DMD: variants seen among roughly 807,000 people sequenced by gnomAD.
The protein encoded by DMD is mutant dystrophin.
In DMD, 63 loss-of-function variants were observed where a neutral mutation model predicts 330.1. The ratio of observed to expected loss-of-function variants is 0.19; its 90% CI spans 0.16 to 0.24. The LOEUF is 0.24. Ranked by LOEUF, DMD falls within the 10% of genes least tolerant of loss-of-function variation. The probability of loss-of-function intolerance (pLI) is 1.00; values close to 1 mark genes in which losing one functional copy is unlikely to be tolerated. For missense variants in DMD, 3,344 were observed against 2,684.1 expected, an observed-to-expected ratio of 1.25 and a Z score of -5.43; for synonymous variants, 1,223 against 959.8, an observed-to-expected ratio of 1.27 and a Z score of -5.07.
At chrX:31,873,481 A>C (rs1385571675) in intron 48 of DMD, among the ~76,000 whole-genome samples, 1 of 111,981 alleles carries the variant, frequency 8.9e-6, no homozygotes, top group Non-Finnish European at 1.9e-5. Context: ...CCAGCAAAAC[A>C]ACAGCTAAAT....
At chrX:32,623,676 C>A (rs780473119) in intron 11 of DMD, among the ~76,000 whole-genome samples, 5 of 109,634 alleles carry the variant, frequency 4.6e-5, no homozygotes, top group African/African-American at 6.7e-5. Flanking sequence ...TACAGGTGCA[C>A]CACCTTCCCT....
At chrX:32,727,393 C>G (rs970085606) in intron 7 of DMD, among the ~76,000 whole-genome samples, 2 of 110,938 alleles carry the variant, frequency 1.8e-5, no homozygotes, top group African/African-American at 3.3e-5. Context: ...GAGTTTATAA[C>G]AGAGCAGAAC....
At chrX:32,179,205 T>G (rs1569549052) in intron 44 of DMD, among the ~76,000 whole-genome samples, 1 of 110,976 alleles carries the variant, frequency 9.0e-6, no homozygotes, top group African/African-American at 3.3e-5. Context: ...TTTTATAATA[T>G]TGGATGTGGT....
Position 33,135,550 on chromosome X carries a change from C to T in DMD, c.31+75732G>A, listed in dbSNP as rs776381654. ...CACATTCTTATGGAATATTTAACTACGTTGGAAAACCATATGATATATTAA... is the reference window on the plus strand; with the variant it reads ...CACATTCTTATGGAATATTTAACTATGTTGGAAAACCATATGATATATTAA... On this transcript the variant is annotated intron_variant, in intron 1 of 78. Transcript: ENST00000357033. 5.4e-5 allele frequency among the ~76,000 whole-genome samples: 6 copies of T among 112,107 alleles called. No homozygotes were observed. The South Asian group carries it at 1.8e-3, about 34-fold the overall frequency.
chrX:32,365,789 T>G (rs73462091), intron 34 of DMD, among the ~76,000 whole-genome samples: 3,173 of 112,070 alleles, frequency 0.028, 119 homozygotes, highest in African/African-American at 0.097. Flanking sequence ...ATATGTTAAT[T>G]AACAAGATCT....
chrX:32,566,294 G>A (rs1603636546), intron 15 of DMD, among the ~76,000 whole-genome samples: 1 of 112,110 alleles, frequency 8.9e-6, no homozygotes, highest in Non-Finnish European at 1.9e-5. Context: ...GGTACCAGGA[G>A]TACTGAAGAA....
intron 2 of DMD, among the ~76,000 whole-genome samples, chrX:32,939,631 G>A (rs2090263757): frequency 9.0e-6 from 1 of 111,589 alleles, no homozygotes; most frequent in Non-Finnish European, 1.9e-5. Flanking sequence ...TACAAATTGT[G>A]TAATTTCTAT....
intron 76 of DMD, among the ~76,000 whole-genome samples, chrX:31,141,689 A>T (rs1218684326): frequency 9.0e-6 from 1 of 111,367 alleles, no homozygotes; most frequent in Non-Finnish European, 1.9e-5. Flanking sequence ...ATAGATTGGG[A>T]AATTGGAAGA....
chrX:32,912,510 C>T (rs1165749617), intron 2 of DMD, among the ~76,000 whole-genome samples: 2 of 111,309 alleles, frequency 1.8e-5, no homozygotes, highest in Non-Finnish European at 3.8e-5. Flanking sequence ...AGAATTAAAA[C>T]TGGAAACGAC....
At chrX:31,615,849 T>C (rs2078168418) in intron 55 of DMD, among the ~76,000 whole-genome samples, 2 of 112,202 alleles carry the variant, frequency 1.8e-5, no homozygotes, top group Admixed American at 1.9e-4. Flanking sequence ...AGTCTATTTA[T>C]ACATATTGAC....
chrX:33,086,558 G>T (rs1328982450), intron 1 of DMD, among the ~76,000 whole-genome samples: 2 of 109,754 alleles, frequency 1.8e-5, no homozygotes, highest in Non-Finnish European at 3.8e-5. Flanking sequence ...TGTGGTAAAA[G>T]GTTTGGTATT....
intron 55 of DMD, among the ~76,000 whole-genome samples, chrX:31,538,407 G>A (rs995028821): frequency 8.9e-6 from 1 of 112,166 alleles, no homozygotes; most frequent in Admixed American, 9.5e-5. Context: ...CTAAACTACA[G>A]ATCAAAGAAG....
intron 9 of DMD, 56 bp downstream of exon 9, chrX:32,697,814 G>C (rs2063766246): frequency 8.3e-7 from 1 of 1,197,622 alleles, no homozygotes; most frequent in Non-Finnish European, 1.1e-6. Context: ...AGCAGTGTTA[G>C]ATTATCTTGG....
intron 47 of DMD, among the ~76,000 whole-genome samples, chrX:31,926,697 A>T (rs1380878924): frequency 9.0e-6 from 1 of 110,892 alleles, no homozygotes; most frequent in African/African-American, 3.3e-5. Flanking sequence ...AAAAAAAAAA[A>T]TAAAATAAAG....
At chrX:32,944,495 A>G (rs2090648003) in intron 2 of DMD, among the ~76,000 whole-genome samples, 2 of 111,894 alleles carry the variant, frequency 1.8e-5, no homozygotes, top group East Asian at 2.8e-4. Context: ...CATTTCTTTC[A>G]TAGTCCATCT....
chrX:31,819,498 C>A (rs1348881833), intron 50 of DMD, among the ~76,000 whole-genome samples: 1 of 112,592 alleles, frequency 8.9e-6, no homozygotes, highest in African/African-American at 3.2e-5. Context: ...GTGTTCCTTA[C>A]TAAGAATTGC....
chrX:33,067,315 T>C (rs772606277), intron 1 of DMD, among the ~76,000 whole-genome samples: 5 of 112,201 alleles, frequency 4.5e-5, no homozygotes, highest in African/African-American at 1.6e-4. Flanking sequence ...CGAATGATTA[T>C]AAAAGCCTTA....
chrX:31,272,020 A>G (rs2051673653), intron 62 of DMD, among the ~76,000 whole-genome samples: 1 of 111,057 alleles, frequency 9.0e-6, no homozygotes, highest in South Asian at 3.9e-4. Context: ...ACAAAAGCCT[A>G]TTTTTCCAGG....
chrX:31,372,100 G>C (rs1423915322), intron 60 of DMD, among the ~76,000 whole-genome samples: 1 of 111,585 alleles, frequency 9.0e-6, no homozygotes, highest in Non-Finnish European at 1.9e-5. Flanking sequence ...TGGTGATAAT[G>C]ACGTTGTCTC....
Sources: gnomAD v4.1 joint callset for allele counts (sites outside exome capture counted in the v4.1 genomes callset) on GRCh38, gnomAD v4.1.1 for gene constraint, MANE v1.5 for transcripts, NCBI Gene and HGNC (gene_info 2026-07-23, HGNC 2026-07-21) for gene names.